Variants in WNT4 observed in about 807,000 individuals in gnomAD.
WNT4 encodes protein Wnt-4.
A neutral mutation model predicts 34.5 loss-of-function variants in WNT4; 16 were observed. That is an observed-to-expected ratio of 0.46 (90% confidence interval 0.31 to 0.70). The LOEUF (loss-of-function observed/expected upper bound fraction) is 0.70. Ranked by LOEUF, WNT4 falls within the 30% of genes least tolerant of loss-of-function variation. The pLI is 0.04. For synonymous variants in WNT4, 200 were observed against 211.9 expected (o/e 0.94, Z 0.49); for missense variants, 379 against 495.9 (o/e 0.76, Z 2.24).
intron 1 of WNT4, among the ~76,000 whole-genome samples, chr1:22,138,700 T>A (rs1646041870): frequency 6.6e-6 from 1 of 152,070 alleles, no homozygotes; most frequent in African/African-American, 2.4e-5. Context: ...GAGAGAGGGA[T>A]CTTTTAAAGC....
At chr1:22,129,983 T>C in intron 1 of WNT4, 132 bp from the exon 2 acceptor site, 3 of 1,053,018 alleles carry the variant, frequency 2.8e-6, no homozygotes, top group Non-Finnish European at 4.4e-6. Flanking sequence ...CCGACTTCTC[T>C]CTGGATCCAG....
chr1:22,120,464 G>A lies in WNT4; in HGVS notation c.642C>T (p.Ser214=). The A allele has an allele frequency of 6.2e-7, 1 of 1,613,654 alleles. No homozygotes were observed. The highest frequency in any genetic ancestry group is 8.5e-7 in the Non-Finnish European group (1 of 1,179,944). The change falls in exon 5 of 5, where the codon TCC becomes TCT. Residue 214 remains serine (S), a synonymous_variant. Transcript: ENST00000290167. ...CTCGCCAGCACGTCTTTACCTCACAGGAGCCTGACACCCCGTGGCACTTGC... is the reference window on the plus strand; with the variant it reads ...CTCGCCAGCACGTCTTTACCTCACAAGAGCCTGACACCCCGTGGCACTTGC... ...VECKCHGVSG[S]CEVKTCWRAV...
chr1:22,119,917 C>T lies in WNT4; in HGVS notation c.*133G>A, dbSNP rs1645879515. On this transcript the variant is annotated 3_prime_UTR_variant, in exon 5 of 5. Transcript: ENST00000290167. ...CCTGCCTGGTTTCGGCAATAAATAA[C>T]ATGAGGACCCAAAAACCAAACCAGA... is the stretch of plus-strand genomic sequence containing the variant. 3 of 1,157,500 alleles carry T rather than the reference C, an allele frequency of 2.6e-6. No homozygotes were observed. Among genetic ancestry groups the T allele is most frequent in the African/African-American group, 3.1e-5 (2 of 65,462 alleles). 71.7% of individuals were successfully genotyped at this position (1,157,500 alleles called of 1,614,324 possible). A position where few individuals can be genotyped will look rare whatever the true frequency, so the allele number is the denominator to read the frequency against.
Position 22,140,331 on chromosome 1 carries a change from T to C in WNT4, c.77+2515A>G, listed in dbSNP as rs1211579567. 3 of 928,786 alleles carry C rather than the reference T, an allele frequency of 3.2e-6. No individual in the cohort carries two copies. Among genetic ancestry groups the C allele is most frequent in the East Asian group, 1.2e-4 (1 of 8,552 alleles). The allele number at this position is 928,786 out of a possible 1,614,324, so 57.5% of individuals were successfully genotyped here. A position where few individuals can be genotyped will look rare whatever the true frequency, so the allele number is the denominator to read the frequency against. ...GCTGGGTGACTTGGGCAGTTACCTC[T>C]GCGATCCCCAATCTTCTCATCTGTA... is the stretch of plus-strand genomic sequence containing the variant. On this transcript the variant is annotated intron_variant, in intron 1 of 4. Transcript: ENST00000290167. This position sits in a 1 kb window ranked among gnomAD's most constrained non-coding sequence, Gnocchi z 5.9.
intron 2 of WNT4, among the ~76,000 whole-genome samples, chr1:22,126,187 CTCA>C (rs1645938966): frequency 6.6e-6 from 1 of 152,188 alleles, no homozygotes; most frequent in African/African-American, 2.4e-5. Context: ...ACACACCTGC[CTCA>C]TCATTCATCA....
intron 1 of WNT4, among the ~76,000 whole-genome samples, chr1:22,131,252 C>T (rs777509394): frequency 5.3e-5 from 8 of 152,190 alleles, no homozygotes; most frequent in African/African-American, 9.7e-5. Flanking sequence ...GGTTTGCAGG[C>T]GGCAGCTAAA....
At chr1:22,123,537 C>T (rs1645918295) in intron 2 of WNT4, among the ~76,000 whole-genome samples, 1 of 152,228 alleles carries the variant, frequency 6.6e-6, no homozygotes, top group African/African-American at 2.4e-5. Context: ...ATGTGCTGGG[C>T]TCTGTCTAAG....
At chr1:22,128,481 C>T (rs1411057542) in intron 2 of WNT4, among the ~76,000 whole-genome samples, 1 of 152,182 alleles carries the variant, frequency 6.6e-6, no homozygotes, top group Non-Finnish European at 1.5e-5. Flanking sequence ...TTCTCTATGC[C>T]CTGGTCCCCC....
chr1:22,120,612 G>A (rs916154090), intron 4 of WNT4, 95 bp from the exon 5 acceptor site: 36 of 1,286,914 alleles, frequency 2.8e-5, no homozygotes, highest in Middle Eastern at 4.1e-4. Context: ...CGGGGTCCCT[G>A]GGGCTGACGC....
At chr1:22,135,837 C>CCTCTT (rs1444867273) in intron 1 of WNT4, among the ~76,000 whole-genome samples, 3 of 152,178 alleles carry the variant, frequency 2.0e-5, no homozygotes, top group African/African-American at 7.2e-5. Flanking sequence ...AGAGAGAGAA[C>CCTCTT]GGCCTCCCCT....
intron 2 of WNT4, among the ~76,000 whole-genome samples, chr1:22,128,769 G>T (rs1449459643): frequency 2.0e-5 from 3 of 151,756 alleles, no homozygotes; most frequent in Non-Finnish European, 4.4e-5. Context: ...TCCCAGGCTG[G>T]AGTGCAGTGG....
chr1:22,121,780 T>C (rs1398969079), intron 2 of WNT4, among the ~76,000 whole-genome samples: 1 of 152,208 alleles, frequency 6.6e-6, no homozygotes, highest in African/African-American at 2.4e-5. Context: ...CAGGCGTGGC[T>C]TAGGGCTTTT....
intron 2 of WNT4, among the ~76,000 whole-genome samples, chr1:22,122,464 T>C (rs760887215): frequency 6.6e-6 from 1 of 152,108 alleles, no homozygotes. Context: ...TGGATGTTTT[T>C]ATCCTCCTAA....
At chr1:22,129,060 C>T (rs1232479085) in intron 2 of WNT4, among the ~76,000 whole-genome samples, 1 of 152,208 alleles carries the variant, frequency 6.6e-6, no homozygotes, top group Non-Finnish European at 1.5e-5. Context: ...GGGCAAGTTA[C>T]TTAACCTCCA....
intron 2 of WNT4, among the ~76,000 whole-genome samples, chr1:22,128,375 AG>A (rs980526783): frequency 6.6e-6 from 1 of 152,192 alleles, no homozygotes; most frequent in African/African-American, 2.4e-5. Flanking sequence ...TTTCATGCTC[AG>A]GAAGTAGAAA....
Position 22,140,256 on chromosome 1 carries a change from CT to C in WNT4, c.77+2589del. On this transcript the variant is annotated intron_variant, in intron 1 of 4. Coordinates refer to ENST00000290167, the MANE Select transcript of WNT4 (RefSeq NM_030761.5). The surrounding 1 kb of genome is among the most constrained non-coding windows in gnomAD (Gnocchi z 5.9). Reference sequence around the variant, plus strand: ...TGCATGGACACCTGCCTCCCCGAAGCTTTTCCTTCTAGAGGCAGCTTTTCAG... The same window carrying C: ...TGCATGGACACCTGCCTCCCCGAAGCTTTCCTTCTAGAGGCAGCTTTTCAG... 1 of 985,504 alleles carries C rather than the reference CT, an allele frequency of 1.0e-6. No individual in the cohort carries two copies. The highest frequency in any genetic ancestry group is 4.7e-5 in the South Asian group (1 of 21,292). The allele number at this position is 985,504 out of a possible 1,614,324, so 61.0% of individuals were successfully genotyped here.
Position 22,119,828 on chromosome 1 carries a change from T to G in WNT4, c.*222A>C. Reference sequence around the variant, plus strand: ...AGCCAGCGGCACGAGCAAGGTCCCTTTGGTCAGTGGCAGCCACAAAGGCCC... The same window carrying G: ...AGCCAGCGGCACGAGCAAGGTCCCTGTGGTCAGTGGCAGCCACAAAGGCCC... On this transcript the variant is annotated 3_prime_UTR_variant, in exon 5 of 5. Transcript: ENST00000290167. The G allele has an allele frequency of 1.6e-6, 1 of 606,806 alleles. No homozygotes were observed. The highest frequency in any genetic ancestry group is 2.9e-6 in the Non-Finnish European group (1 of 345,438). 37.6% of individuals were successfully genotyped at this position (606,806 alleles called of 1,614,324 possible).
At chr1:22,138,822 C>T (rs1330668528) in intron 1 of WNT4, among the ~76,000 whole-genome samples, 2 of 152,152 alleles carry the variant, frequency 1.3e-5, no homozygotes, top group African/African-American at 2.4e-5. Context: ...GAGTTGTGCC[C>T]AGAGTGTTGG....
At position 22,142,056 on chromosome 1, in the gene WNT4, C is replaced by T. The variant is rs1042239674; in HGVS notation, c.77+790G>A. ...CCCTGTCCACCCACTCACTGGAGCT[C>T]ATCCCTTTAGTCTCCCTCCCTGCAG... On this transcript the variant is annotated intron_variant, in intron 1 of 4. Coordinates refer to ENST00000290167, the MANE Select transcript of WNT4 (RefSeq NM_030761.5). This position sits in a 1 kb window ranked among gnomAD's most constrained non-coding sequence, Gnocchi z 6.0. Among the ~76,000 whole-genome samples, 1 of 152,194 alleles carries T rather than the reference C, an allele frequency of 6.6e-6. No homozygotes were observed. Among genetic ancestry groups the T allele is most frequent in the Non-Finnish European group, 1.5e-5 (1 of 68,032 alleles).
Sources: allele counts gnomAD v4.1 joint callset (sites outside exome capture counted in the v4.1 genomes callset), GRCh38; gene constraint gnomAD v4.1.1; non-coding constraint Gnocchi (gnomAD v3.1); transcripts MANE v1.5; gene names NCBI Gene and HGNC (gene_info 2026-07-23, HGNC 2026-07-21).